ALMS1: variants seen among roughly 807,000 people sequenced by gnomAD.
ALMS1 encodes ALMS1 centrosome and basal body associated protein.
A neutral mutation model predicts 352.2 loss-of-function variants in ALMS1; 271 were observed. The observed-to-expected ratio is 0.77, with a 90% CI of 0.70 to 0.85. The LOEUF (loss-of-function observed/expected upper bound fraction) is 0.85. Among genes scored for constraint, ALMS1 ranks in the 40% least tolerant of loss-of-function variants. The probability of loss-of-function intolerance (pLI) is 0.00; values close to 1 mark genes in which losing one functional copy is unlikely to be tolerated. For synonymous variants in ALMS1, 1,865 were observed against 1,761.2 expected, an observed-to-expected ratio of 1.06 and a Z score of -1.48; for missense variants, 5,445 against 4,870.7, an observed-to-expected ratio of 1.12 and a Z score of -3.51.
intron 9 of ALMS1, among the ~76,000 whole-genome samples, chr2:73,465,521 A>T (rs1254662383): frequency 2.6e-5 from 4 of 152,352 alleles, no homozygotes; most frequent in African/African-American, 9.6e-5. Flanking sequence ...GTTAGTCCGA[A>T]AACTGTGAAA....
chr2:73,469,596 T>C (rs767439170), intron 9 of ALMS1: 48 of 152,066 alleles, frequency 3.2e-4, no homozygotes, highest in Non-Finnish European at 4.9e-4. Context: ...AGAAAAACTT[T>C]ATTGATCAAA....
At chr2:73,403,828 A>G (rs1188586947) in intron 1 of ALMS1, among the ~76,000 whole-genome samples, 1 of 152,002 alleles carries the variant, frequency 6.6e-6, no homozygotes, top group Non-Finnish European at 1.5e-5. Context: ...TTTTTCATAT[A>G]AGTAGTTATT....
At chr2:73,542,348 A>G (rs930358490) in intron 12 of ALMS1, among the ~76,000 whole-genome samples, 2 of 152,186 alleles carry the variant, frequency 1.3e-5, no homozygotes, top group African/African-American at 4.8e-5. Flanking sequence ...TCAATAAATG[A>G]GGTATTGATG....
intron 9 of ALMS1, among the ~76,000 whole-genome samples, chr2:73,486,736 C>G (rs1083919): frequency 0.51 from 77,086 of 152,032 alleles, 22,474 homozygotes; most frequent in East Asian, 0.77. Flanking sequence ...CTGAATTATA[C>G]TTAGCAGGAG....
rs141310683 is a variant in ALMS1, at chr2:73,601,975, T to A, written c.12115-210T>A. 5.4e-3 allele frequency among the ~76,000 whole-genome samples: 821 copies of A among 152,344 alleles called. 10 individuals carry two copies. The highest frequency in any genetic ancestry group is 0.018 in the African/African-American group (734 of 41,586). ...CATAGTCTTAGTTCCTGGCCTATGCTGAAGGCATGTCTTTGATCCCTGCGG... is the reference window on the plus strand; with the variant it reads ...CATAGTCTTAGTTCCTGGCCTATGCAGAAGGCATGTCTTTGATCCCTGCGG... On this transcript the variant is annotated intron_variant, in intron 19 of 22. Transcript: ENST00000613296.
At chr2:73,496,419 CT>C (rs1417055221) in intron 10 of ALMS1, among the ~76,000 whole-genome samples, 1 of 151,926 alleles carries the variant, frequency 6.6e-6, no homozygotes, top group African/African-American at 2.4e-5. Flanking sequence ...ATCAGTAGTG[CT>C]TTTTTATTGC....
At chr2:73,467,400 C>T (rs1672378895) in intron 9 of ALMS1, among the ~76,000 whole-genome samples, 1 of 151,884 alleles carries the variant, frequency 6.6e-6, no homozygotes, top group Non-Finnish European at 1.5e-5. Context: ...TGCAAGTTAA[C>T]CATAATGAGA....
intron 5 of ALMS1, 50 bp from the exon 6 acceptor site, chr2:73,426,403 G>T (rs780084986): frequency 6.3e-7 from 1 of 1,586,066 alleles, no homozygotes; most frequent in East Asian, 2.2e-5. Flanking sequence ...TGGGAGCTGA[G>T]CCTAGTTTTA....
intron 10 of ALMS1, among the ~76,000 whole-genome samples, chr2:73,512,207 C>G (rs1673466856): frequency 6.6e-6 from 1 of 152,160 alleles, no homozygotes. Context: ...GCCTCAGCCT[C>G]CCGAGTAGCT....
intron 19 of ALMS1, 141 bp downstream of exon 19, chr2:73,601,577 T>C (rs1311545067): frequency 7.4e-7 from 1 of 1,347,178 alleles, no homozygotes; most frequent in Non-Finnish European, 1.0e-6. Context: ...TCACCTGTTT[T>C]CACGCACGAG....
intron 10 of ALMS1, among the ~76,000 whole-genome samples, chr2:73,502,965 T>C (rs1412312530): frequency 6.6e-6 from 1 of 152,172 alleles, no homozygotes; most frequent in Non-Finnish European, 1.5e-5. Flanking sequence ...TCGTGTAATA[T>C]AGTCTCATTT....
In ALMS1 at chr2:73,392,260, A is replaced by ATGTG. The variant is rs60487895; in HGVS notation, c.324+6102_324+6105dup. Among the ~76,000 whole-genome samples the ATGTG allele has an allele frequency of 7.2e-4, 105 of 146,464 alleles. 1 individual carries two copies. Among genetic ancestry groups the ATGTG allele is most frequent in the African/African-American group, 2.0e-3 (80 of 39,448 alleles). ...TTACTATTTCCTTAGGTTTACTTTG[A>ATGTG]TGTGTGTGTGTGTGTGTGTGTGTGT... On this transcript the variant is annotated intron_variant, in intron 1 of 22. Coordinates refer to ENST00000613296, the MANE Select transcript of ALMS1 (RefSeq NM_001378454.1).
intron 12 of ALMS1, among the ~76,000 whole-genome samples, chr2:73,545,612 A>G (rs925514586): frequency 6.6e-6 from 1 of 152,256 alleles, no homozygotes; most frequent in African/African-American, 2.4e-5. Context: ...GCAAAGTAAC[A>G]GAACGAGAAA....
At chr2:73,391,125 C>T (rs909655904) in intron 1 of ALMS1, among the ~76,000 whole-genome samples, 5 of 151,826 alleles carry the variant, frequency 3.3e-5, no homozygotes, top group African/African-American at 1.2e-4. Flanking sequence ...CTTTCCCCAT[C>T]TTCCCTCTTA....
intron 16 of ALMS1, among the ~76,000 whole-genome samples, chr2:73,591,302 G>A (rs1675427926): frequency 6.6e-6 from 1 of 152,102 alleles, no homozygotes; most frequent in Non-Finnish European, 1.5e-5. Flanking sequence ...TTAAGCTTAA[G>A]CTTTTAATCT....
intron 16 of ALMS1, among the ~76,000 whole-genome samples, chr2:73,574,045 C>T (rs567432582): frequency 2.6e-5 from 4 of 152,260 alleles, no homozygotes; most frequent in African/African-American, 4.8e-5. Context: ...TTTATGTTTT[C>T]TAGCACTTAG....
At position 73,419,238 on chromosome 2, in the gene ALMS1, C is replaced by T. The variant is rs1414655777; in HGVS notation, c.566C>T (p.Ser189Phe). 2 of 1,614,050 alleles carry T rather than the reference C, an allele frequency of 1.2e-6. No individual in the cohort carries two copies. Residue 189 changes from serine (S) to phenylalanine (F), a missense_variant, in exon 3 of 23, where the codon TCT (serine) becomes TTT (phenylalanine). Transcript: ENST00000613296. ...TEDTEVTDFP[S>F]LEEGILTQSE... ...GATACTGAAGTGACAGACTTCCCCTCTCTGGAGGAGGGCATATTGACGCAA... is the reference window on the plus strand; with the variant it reads ...GATACTGAAGTGACAGACTTCCCCTTTCTGGAGGAGGGCATATTGACGCAA...
At chr2:73,596,039 T>A (rs1323363659) in intron 16 of ALMS1, among the ~76,000 whole-genome samples, 1 of 152,226 alleles carries the variant, frequency 6.6e-6, no homozygotes, top group East Asian at 1.9e-4. Flanking sequence ...CTTTATCAGA[T>A]GTATTTTTTG....
rs748382663 is a variant in ALMS1 at position 73,601,256 on chromosome 2, T to G, written c.11934T>G (p.Pro3978=). ...CTAGATCAAAGAAGGAAAACGTGCC[T>G]AACACTTGTGGCCCTGGCATCTCCT... ...VESRSKKENV[P]NTCGPGISWF... The change falls in exon 19 of 23, where the codon CCT becomes CCG. Residue 3978 remains proline (P), a synonymous_variant. Coordinates refer to ENST00000613296, the MANE Select transcript of ALMS1 (RefSeq NM_001378454.1). The G allele has an allele frequency of 1.2e-6, 2 of 1,614,192 alleles. No individual in the cohort carries two copies. Among genetic ancestry groups the G allele is most frequent in the Middle Eastern group, 1.6e-4 (1 of 6,062 alleles).
Sources: allele counts gnomAD v4.1 joint callset (sites outside exome capture counted in the v4.1 genomes callset), GRCh38; gene constraint gnomAD v4.1.1; transcripts MANE v1.5; gene names NCBI Gene and HGNC (gene_info 2026-07-23, HGNC 2026-07-21).